KCNC2: variants seen among roughly 807,000 people sequenced by gnomAD.
KCNC2 encodes the protein voltage-gated potassium channel KCNC2.
A neutral mutation model predicts 44.5 loss-of-function variants in KCNC2; 21 were observed. The ratio of observed to expected loss-of-function variants is 0.47; its 90% CI spans 0.33 to 0.68. The LOEUF (loss-of-function observed/expected upper bound fraction) is 0.68. KCNC2 is among the 30% of genes least tolerant of loss of function. The pLI is 0.01. For synonymous variants in KCNC2, 391 were observed against 339.1 expected (o/e 1.15, Z -1.68); for missense variants, 589 against 826.2 (o/e 0.71, Z 3.52).
At chr12:75,193,816 C>T (rs564983771) in intron 2 of KCNC2, among the ~76,000 whole-genome samples, 1 of 152,172 alleles carries the variant, frequency 6.6e-6, no homozygotes, top group Admixed American at 6.5e-5. Context: ...GCCAACCTAC[C>T]CACAACACAC....
At chr12:75,081,115 T>C (rs1489025333) in intron 2 of KCNC2, among the ~76,000 whole-genome samples, 2 of 152,098 alleles carry the variant, frequency 1.3e-5, no homozygotes, top group Non-Finnish European at 2.9e-5. Context: ...ACTAACTATA[T>C]CCTCAGTATT....
intron 2 of KCNC2, among the ~76,000 whole-genome samples, chr12:75,205,120 A>G (rs541202573): frequency 6.6e-6 from 1 of 152,156 alleles, no homozygotes; most frequent in African/African-American, 2.4e-5. Context: ...TGATCTGCAG[A>G]GATTTCACAA....
intron 2 of KCNC2, among the ~76,000 whole-genome samples, chr12:75,092,378 A>G (rs79755612): frequency 0.017 from 2,555 of 151,816 alleles, 72 homozygotes; most frequent in African/African-American, 0.056. Flanking sequence ...AATTTTCTTG[A>G]CAAAGTTTTG....
intron 2 of KCNC2, among the ~76,000 whole-genome samples, chr12:75,192,555 G>A (rs571778880): frequency 1.3e-5 from 2 of 152,290 alleles, no homozygotes; most frequent in African/African-American, 4.8e-5. Context: ...ACCGTCGTCC[G>A]AGTGATCCTT....
intron 2 of KCNC2, among the ~76,000 whole-genome samples, chr12:75,081,089 T>C (rs1240213112): frequency 8.4e-6 from 1 of 118,760 alleles, no homozygotes; most frequent in Non-Finnish European, 2.2e-5. Flanking sequence ...ACTATAGCCT[T>C]CCTGTAACGC....
chr12:75,123,581 AG>A (rs1888193508), intron 2 of KCNC2, among the ~76,000 whole-genome samples: 1 of 152,134 alleles, frequency 6.6e-6, no homozygotes, highest in Non-Finnish European at 1.5e-5. Flanking sequence ...CCTTTTTCCT[AG>A]GGAACATCCC....
At position 75,158,927 on chromosome 12, in the gene KCNC2, C is replaced by G. The variant is rs12227906; in HGVS notation, c.687+48370G>C. ...AGTTATGCAACAGGGATGACAAAAA[C>G]GTCTTTACAAAAGGCATGGAAGTGT... is the stretch of plus-strand genomic sequence containing the variant. On this transcript the variant is annotated intron_variant, in intron 2 of 4. Transcript: ENST00000549446. Among the ~76,000 whole-genome samples the G allele has an allele frequency of 0.013, 1,939 of 151,894 alleles. 168 individuals carry two copies. The East Asian group carries it at 0.22, about 18-fold the overall frequency.
intron 2 of KCNC2, among the ~76,000 whole-genome samples, chr12:75,206,546 A>T (rs965568601): frequency 6.6e-5 from 10 of 152,224 alleles, no homozygotes; most frequent in Non-Finnish European, 1.3e-4. Context: ...AATTACTCAG[A>T]TTTAGAGAAC....
intron 2 of KCNC2, among the ~76,000 whole-genome samples, chr12:75,103,761 A>G (rs145588919): frequency 2.6e-5 from 4 of 152,276 alleles, no homozygotes; most frequent in African/African-American, 9.6e-5. Context: ...TCTATACACA[A>G]CTATGATGAA....
chr12:75,194,179 G>T (rs2030554911), intron 2 of KCNC2, among the ~76,000 whole-genome samples: 1 of 152,098 alleles, frequency 6.6e-6, no homozygotes, highest in African/African-American at 2.4e-5. Flanking sequence ...TTAAATTTTA[G>T]CTAATTTAAC....
intron 2 of KCNC2, among the ~76,000 whole-genome samples, chr12:75,140,559 A>G (rs1272323241): frequency 5.9e-5 from 9 of 152,282 alleles, no homozygotes; most frequent in African/African-American, 1.9e-4. Flanking sequence ...AATAAATTTG[A>G]TTGATTTAAA....
At chr12:75,098,994 T>G (rs2137168677) in intron 2 of KCNC2, among the ~76,000 whole-genome samples, 1 of 152,250 alleles carries the variant, frequency 6.6e-6, no homozygotes, top group Middle Eastern at 3.4e-3. Context: ...GCCCAAGGAC[T>G]CTTTTTCACT....
chr12:75,128,532 C>A (rs1221671882), intron 2 of KCNC2, among the ~76,000 whole-genome samples: 2 of 152,060 alleles, frequency 1.3e-5, no homozygotes, highest in Non-Finnish European at 1.5e-5. Context: ...CCAAAGACAG[C>A]AGAGCATATT....
intron 2 of KCNC2, among the ~76,000 whole-genome samples, chr12:75,170,275 A>G (rs1480648943): frequency 6.6e-6 from 1 of 151,698 alleles, no homozygotes; most frequent in Admixed American, 6.6e-5. Flanking sequence ...TAAAGGGAGT[A>G]AGTGATTTGC....
Position 75,207,989 on chromosome 12 carries a change from T to G in KCNC2, c.-6A>C. On this transcript the variant is annotated 5_prime_UTR_variant, in exon 2 of 5. Coordinates refer to ENST00000549446, the MANE Select transcript of KCNC2 (RefSeq NM_139137.4). This position sits in a 1 kb window ranked among gnomAD's most constrained non-coding sequence, Gnocchi z 4.1. The stretch of plus-strand genomic sequence containing the variant: ...TTGTTCTCGATCTTGCCCATCTCTG[T>G]GACTCAGACATGACTAGGGGGAGGC... 1 of 1,612,064 alleles carries G rather than the reference T, an allele frequency of 6.2e-7. No individual in the cohort carries two copies. Among genetic ancestry groups the G allele is most frequent in the Non-Finnish European group, 8.5e-7 (1 of 1,179,690 alleles).
In KCNC2 at chr12:75,041,132, T is replaced by C; in HGVS notation, c.*1973A>G. The C allele has an allele frequency of 6.3e-7, 1 of 1,596,764 alleles. No individual in the cohort carries two copies. Among genetic ancestry groups the C allele is most frequent in the Admixed American group, 1.7e-5 (1 of 59,840 alleles). On this transcript the variant is annotated 3_prime_UTR_variant, in exon 5 of 5. Transcript: ENST00000549446. ...TTCAGCAGCAGAAGTCTGTTTCCAG[T>C]ATAGTCCTTGGTATGGCTAAATTCC...
intron 2 of KCNC2, among the ~76,000 whole-genome samples, chr12:75,168,299 T>A (rs1891587720): frequency 1.3e-5 from 2 of 151,438 alleles, no homozygotes; most frequent in African/African-American, 4.8e-5. Flanking sequence ...AAGGAATATT[T>A]ATTAAACACT....
intron 2 of KCNC2, among the ~76,000 whole-genome samples, chr12:75,192,351 T>C (rs928196850): frequency 6.6e-6 from 1 of 152,208 alleles, no homozygotes; most frequent in Non-Finnish European, 1.5e-5. Context: ...TAGAAGCTTC[T>C]CTACATAATG....
chr12:75,143,817 T>C (rs1216991597), intron 2 of KCNC2, among the ~76,000 whole-genome samples: 1 of 152,208 alleles, frequency 6.6e-6, no homozygotes, highest in Non-Finnish European at 1.5e-5. Flanking sequence ...ACACAAAATC[T>C]TCTGTAACTC....
Sources: gnomAD v4.1 joint callset for allele counts (sites outside exome capture counted in the v4.1 genomes callset) on GRCh38, gnomAD v4.1.1 for gene constraint, Gnocchi (gnomAD v3.1) non-coding constraint, MANE v1.5 for transcripts, NCBI Gene and HGNC (gene_info 2026-07-23, HGNC 2026-07-21) for gene names.